Variants in ARHGEF40 observed in about 807,000 individuals in gnomAD.
The protein encoded by ARHGEF40 is Rho guanine nucleotide exchange factor (GEF) 40.
In ARHGEF40, 98 loss-of-function variants were observed where a neutral mutation model predicts 165.9. That is an observed-to-expected ratio of 0.59 (90% CI 0.50 to 0.70). The LOEUF (loss-of-function observed/expected upper bound fraction) is 0.70. Among genes scored for constraint, ARHGEF40 ranks in the 30% least tolerant of loss-of-function variants. The probability of loss-of-function intolerance (pLI) is 0.00; values close to 1 mark genes in which losing one functional copy is unlikely to be tolerated. For missense variants in ARHGEF40, 1,815 were observed against 1,968.0 expected (o/e 0.92, Z 1.47); for synonymous variants, 792 against 814.3 (o/e 0.97, Z 0.47).
Position 21,088,726 on chromosome 14 carries a change from A to G in ARHGEF40, c.4519-104A>G. The G allele has an allele frequency of 5.8e-6, 7 of 1,208,740 alleles. No individual in the cohort carries two copies. In the South Asian group the frequency reaches 7.0e-5, roughly 12 times the overall value. The allele number at this position is 1,208,740 out of a possible 1,614,324, so 74.9% of individuals were successfully genotyped here. A position where few individuals can be genotyped will look rare whatever the true frequency, so the allele number is the denominator to read the frequency against. On this transcript the variant is annotated intron_variant, in intron 22 of 23. Coordinates refer to ENST00000298694, the MANE Select transcript of ARHGEF40 (RefSeq NM_018071.5). The stretch of plus-strand genomic sequence containing the variant: ...ATAGCAAAATTCAAGGATTTTGGGT[A>G]GGAAAGAGAGGTGAATTGACAGGCT...
upstream of ARHGEF40, among the ~76,000 whole-genome samples, chr14:21,065,805 A>C (rs1409973741): frequency 6.6e-6 from 1 of 152,220 alleles, no homozygotes; most frequent in African/African-American, 2.4e-5. Context: ...TGTTTAAAGA[A>C]CTGAAAGAAG....
rs748172732 is a variant in ARHGEF40 at position 21,082,920 on chromosome 14, A to G, written c.3573+3A>G. 30 of 1,613,826 alleles carry G rather than the reference A, an allele frequency of 1.9e-5. No homozygotes were observed. The highest frequency in any genetic ancestry group is 2.2e-5 in the Non-Finnish European group (26 of 1,179,832). ...CTGCGCTCAGTCCCTTAAGCAAGGT[A>G]ACTTTTTCTCCAACCTTCAGGAGAA... On this transcript the variant is annotated splice_donor_region_variant and intron_variant, in intron 16 of 23. Coordinates refer to ENST00000298694, the MANE Select transcript of ARHGEF40 (RefSeq NM_018071.5).
chr14:21,074,693 A>C lies in ARHGEF40; in HGVS notation c.963A>C (p.Gly321=), dbSNP rs1442785747. ...STGASPESPP[G]AEAVPEAAVL... is the part of the protein sequence containing the mutation. ...GAGCCTCCCCTGAGTCTCCCCCAGG[A>C]GCTGAGGCTGTCCCAGAGGCAGCAG... Residue 321 remains glycine, a synonymous_variant, in exon 3 of 24, where the codon GGA becomes GGC. Coordinates refer to ENST00000298694, the MANE Select transcript of ARHGEF40 (RefSeq NM_018071.5). This position sits in a 1 kb window ranked among gnomAD's most constrained non-coding sequence, Gnocchi z 4.8. 6.3e-7 allele frequency: 1 copy of C among 1,586,036 alleles called. No homozygotes were observed. Among genetic ancestry groups the C allele is most frequent in the East Asian group, 2.3e-5 (1 of 43,474 alleles).
At chr14:21,067,483 C>T (rs775119649), upstream of ARHGEF40, among the ~76,000 whole-genome samples, 4 of 152,270 alleles carry the variant, frequency 2.6e-5, no homozygotes, top group Admixed American at 6.5e-5. Context: ...AAGCCTCTGG[C>T]GTCAGACAGC....
Position 21,080,781 on chromosome 14 carries a change from A to G in ARHGEF40, c.2495A>G (p.Gln832Arg), listed in dbSNP as rs756433003. The G allele has an allele frequency of 3.7e-6, 6 of 1,605,554 alleles. No individual in the cohort carries two copies. The highest frequency in any genetic ancestry group is 5.1e-6 in the Non-Finnish European group (6 of 1,174,522). Residue 832 changes from glutamine (Q) to arginine (R), a missense_variant and splice_region_variant, in exon 12 of 24, where the codon CAG becomes CGG. By Grantham distance (43) the Gln-to-Arg change is conservative (BLOSUM62 1). Transcript: ENST00000298694. ...TTCCGTGCTTTCAGCGCTGAGGTCC[A>G]GGTGAGAAGGGGCTGGAGGGCAGGT... ...LRFRAFSAEV[Q>R]ERLAQAREAL... is the part of the protein sequence containing the mutation.
At chr14:21,078,576 T>C in intron 10 of ARHGEF40, 88 bp downstream of exon 10, 2 of 1,322,188 alleles carry the variant, frequency 1.5e-6, no homozygotes, top group African/African-American at 2.9e-5. Context: ...TGCCAGACCA[T>C]TCTTACTGTG....
chr14:21,084,146 G>C, intron 17 of ARHGEF40, 96 bp downstream of exon 17: 1 of 1,290,846 alleles, frequency 7.7e-7, no homozygotes, highest in East Asian at 2.6e-5. Flanking sequence ...CTCCAGGTCA[G>C]AGGGCTCCAG....
upstream of ARHGEF40, chr14:21,070,240 G>C: frequency 1.4e-6 from 1 of 727,398 alleles, no homozygotes; most frequent in Non-Finnish European, 1.8e-6. This position sits in a 1 kb window ranked among gnomAD's most constrained non-coding sequence, Gnocchi z 4.7. Flanking sequence ...TCCCTGGCGG[G>C]GCCCCGCGGC....
chr14:21,084,939 TG>T lies in ARHGEF40; in HGVS notation c.3960+17del. ...GGCCTTTAAGGTACGATTCCTGGAG[TG>T]AGTGGTGGAGGTGACAGGAAGTCAT... On this transcript the variant is annotated intron_variant, in intron 18 of 23. Coordinates refer to ENST00000298694, the MANE Select transcript of ARHGEF40 (RefSeq NM_018071.5). 3.7e-6 allele frequency: 6 copies of T among 1,608,976 alleles called. No homozygotes were observed. The highest frequency in any genetic ancestry group is 3.4e-6 in the Non-Finnish European group (4 of 1,177,654).
chr14:21,085,565 T>C (rs1888265643), intron 18 of ARHGEF40, 124 bp from the exon 19 acceptor site: 1 of 1,114,634 alleles, frequency 9.0e-7, no homozygotes, highest in Non-Finnish European at 1.3e-6. Context: ...TGGCACGTGA[T>C]AGGTGTTGAG....
chr14:21,071,916 A>G (rs1886941107), intron 1 of ARHGEF40, among the ~76,000 whole-genome samples: 1 of 152,220 alleles, frequency 6.6e-6, no homozygotes, highest in South Asian at 2.1e-4. Context: ...AACTTCCCAG[A>G]CGGTCAAGAC....
chr14:21,081,153 A>C (rs1594569400), intron 13 of ARHGEF40, 137 bp downstream of exon 13: 1 of 1,374,010 alleles, frequency 7.3e-7, no homozygotes, highest in Non-Finnish European at 9.8e-7. Context: ...TAGCTCTGCC[A>C]CCTCCTTGCT....
rs1442827126 is a variant in ARHGEF40 at position 21,074,880 on chromosome 14, C to T, written c.1150C>T (p.Arg384Ter). 1.2e-6 allele frequency: 2 copies of T among 1,610,446 alleles called. No homozygotes were observed. Among genetic ancestry groups the T allele is most frequent in the Non-Finnish European group, 1.7e-6 (2 of 1,178,570 alleles). The change falls in exon 3 of 24, where the codon CGA becomes TGA. Residue 384 changes from arginine (R) to a stop codon, truncating the protein, a stop_gained. Coordinates refer to ENST00000298694, the MANE Select transcript of ARHGEF40 (RefSeq NM_018071.5). LOFTEE classifies it high-confidence loss of function. The surrounding 1 kb of genome is among the most constrained non-coding windows in gnomAD (Gnocchi z 4.8). ...AGGCAAAGGAAACAGAAGAAAGAAG[C>T]GAGCTGCAGGTCGAGGGGCTCTTAG... is the stretch of plus-strand genomic sequence containing the variant. ...RTGKGNRRKKRAAGRGALSRG... is the reference protein window; with the variant it reads ...RTGKGNRRKK
rs77252013 is a variant in ARHGEF40 at position 21,076,042 on chromosome 14, G to C, written c.1739+277G>C. On this transcript the variant is annotated intron_variant, in intron 5 of 23. Transcript: ENST00000298694. The stretch of plus-strand genomic sequence containing the variant: ...CACTGATTCAACAAACATTTATTGA[G>C]CACTGAGTACCTATTAGGCACCATA... 3.0e-3 allele frequency among the ~76,000 whole-genome samples: 452 copies of C among 152,300 alleles called. 2 individuals carry two copies. The highest frequency in any genetic ancestry group is 0.01 in the African/African-American group (429 of 41,560).
chr14:21,080,665 G>A lies in ARHGEF40; in HGVS notation c.2379G>A (p.Leu793=), dbSNP rs368247214. ...RQCLRRLQQV[L]QWLSGPGEEQ... Reference sequence around the variant, plus strand: ...TCCCACCCCATCTGCCTCAGGTGTTGCAGTGGCTCTCGGGCCCAGGGGAGG... The same window carrying A: ...TCCCACCCCATCTGCCTCAGGTGTTACAGTGGCTCTCGGGCCCAGGGGAGG... The change falls in exon 12 of 24, where the codon TTG becomes TTA. Residue 793 remains leucine (L), a synonymous_variant. Coordinates refer to ENST00000298694, the MANE Select transcript of ARHGEF40 (RefSeq NM_018071.5). 13 of 1,605,140 alleles carry A rather than the reference G, an allele frequency of 8.1e-6. No homozygotes were observed. Among genetic ancestry groups the A allele is most frequent in the Admixed American group, 3.4e-5 (2 of 59,700 alleles).
At position 21,074,154 on chromosome 14, in the gene ARHGEF40, G is replaced by A. The variant is rs1887202459; in HGVS notation, c.424G>A (p.Ala142Thr). 6.2e-7 allele frequency: 1 copy of A among 1,614,144 alleles called. No homozygotes were observed. Among genetic ancestry groups the A allele is most frequent in the East Asian group, 2.2e-5 (1 of 44,878 alleles). The stretch of plus-strand genomic sequence containing the variant: ...GGTTCCTGTGCCCAATGAGGCTTGT[G>A]CCTACCTATTCACACCTGAGTGGCT... ...QEVPVPNEAC[A>T]YLFTPEWLQG... Residue 142 changes from alanine to threonine, a missense_variant, in exon 3 of 24, where the codon GCC becomes ACC. Coordinates refer to ENST00000298694, the MANE Select transcript of ARHGEF40 (RefSeq NM_018071.5). This position sits in a 1 kb window ranked among gnomAD's most constrained non-coding sequence, Gnocchi z 4.8.
chr14:21,087,571 A>C (rs1170919960), intron 21 of ARHGEF40, 108 bp downstream of exon 21: 1 of 1,472,230 alleles, frequency 6.8e-7, no homozygotes, highest in Non-Finnish European at 9.2e-7. Context: ...CCCAGTTGCC[A>C]TGACAACTAT....
intron 21 of ARHGEF40, chr14:21,087,683 A>G: frequency 1.4e-6 from 1 of 720,024 alleles, no homozygotes; most frequent in South Asian, 1.9e-5. Flanking sequence ...CTCTCTCTCT[A>G]GCTCTTCTTG....
Position 21,078,786 on chromosome 14 carries a change from A to G in ARHGEF40, c.2247-98A>G, listed in dbSNP as rs560929578. Reference sequence around the variant, plus strand: ...GCCCATGCTTTTGATCCATGCTGCTATGCAACCTCTCATGTTTGCATCCCT... The same window carrying G: ...GCCCATGCTTTTGATCCATGCTGCTGTGCAACCTCTCATGTTTGCATCCCT... On this transcript the variant is annotated intron_variant, in intron 10 of 23. Coordinates refer to ENST00000298694, the MANE Select transcript of ARHGEF40 (RefSeq NM_018071.5). 4 of 1,518,146 alleles carry G rather than the reference A, an allele frequency of 2.6e-6. No individual in the cohort carries two copies. The African/African-American group carries it at 5.5e-5, about 21-fold the overall frequency. 94.0% of individuals were successfully genotyped at this position (1,518,146 alleles called of 1,614,324 possible). A position where few individuals can be genotyped will look rare whatever the true frequency, so the allele number is the denominator to read the frequency against.
Sources: gnomAD v4.1 joint callset for allele counts (sites outside exome capture counted in the v4.1 genomes callset) on GRCh38, gnomAD v4.1.1 for gene constraint, Gnocchi (gnomAD v3.1) non-coding constraint, MANE v1.5 for transcripts, NCBI Gene and HGNC (gene_info 2026-07-23, HGNC 2026-07-21) for gene names.